DNAJB5: variants seen among roughly 807,000 people sequenced by gnomAD.
DNAJB5 encodes the protein DnaJ heat shock protein family (Hsp40) member B5.
In DNAJB5, 12 loss-of-function variants were observed where a neutral mutation model predicts 32.6. That is an observed-to-expected ratio of 0.37 (90% confidence interval 0.24 to 0.60). DNAJB5 has a LOEUF of 0.60. Ranked by LOEUF, DNAJB5 falls within the 20% of genes least tolerant of loss-of-function variation. The pLI is 0.71. For missense variants in DNAJB5, 358 were observed against 554.2 expected (o/e 0.65, Z 3.55); for synonymous variants, 188 against 212.9 (o/e 0.88, Z 1.02).
In DNAJB5 at chr9:34,997,242, C is replaced by T; in HGVS notation, c.1246C>T (p.His416Tyr). ...TPQTRQILKQ[H>Y]LPCS ...ACAGACAAGACAGATCCTTAAGCAG[C>T]ACCTACCCTGTTCCTAGGCTCTGCC... Residue 416 changes from histidine to tyrosine, a missense_variant, in exon 5 of 5, where the codon CAC becomes TAC. By Grantham distance (83) the His-to-Tyr change is moderately conservative (BLOSUM62 2). Transcript: ENST00000682809. The surrounding 1 kb of genome is among the most constrained non-coding windows in gnomAD (Gnocchi z 4.1). 2.5e-6 allele frequency: 4 copies of T among 1,614,222 alleles called. No homozygotes were observed. The highest frequency in any genetic ancestry group is 2.5e-6 in the Non-Finnish European group (3 of 1,180,034).
At position 34,993,105 on chromosome 9, in the gene DNAJB5, GT is replaced by G. The variant is rs2132978111; in HGVS notation, c.183-93del. On this transcript the variant is annotated intron_variant, in intron 2 of 4. Coordinates refer to ENST00000682809, the MANE Select transcript of DNAJB5 (RefSeq NM_001349723.3). The surrounding 1 kb of genome is among the most constrained non-coding windows in gnomAD (Gnocchi z 4.7). ...ACAGAACAGGCATGACCTGCTGAAG[GT>G]TACCCAGGGAGTCATTTAGGGATTG... 6.8e-7 allele frequency: 1 copy of G among 1,477,722 alleles called. No homozygotes were observed. Among genetic ancestry groups the G allele is most frequent in the African/African-American group, 1.4e-5 (1 of 70,804 alleles). 91.5% of individuals were successfully genotyped at this position (1,477,722 alleles called of 1,614,324 possible). A position where few individuals can be genotyped will look rare whatever the true frequency, so the allele number is the denominator to read the frequency against.
intron 2 of DNAJB5, chr9:34,992,753 G>C: frequency 1.0e-6 from 1 of 999,602 alleles, no homozygotes; most frequent in East Asian, 1.0e-4. Flanking sequence ...TGCCCCAGCT[G>C]CCCTCAGCCT....
rs2132979080 is a variant in DNAJB5 at position 34,993,596 on chromosome 9, A to C, written c.427+152A>C. 1 of 1,035,384 alleles carries C rather than the reference A, an allele frequency of 9.7e-7. No homozygotes were observed. The highest frequency in any genetic ancestry group is 1.7e-5 in the South Asian group (1 of 57,604). The allele number at this position is 1,035,384 out of a possible 1,614,324, so 64.1% of individuals were successfully genotyped here. On this transcript the variant is annotated intron_variant, in intron 3 of 4. Coordinates refer to ENST00000682809, the MANE Select transcript of DNAJB5 (RefSeq NM_001349723.3). The surrounding 1 kb of genome is among the most constrained non-coding windows in gnomAD (Gnocchi z 4.7). The stretch of plus-strand genomic sequence containing the variant: ...TGTCACCCAGAGAAGAGAGAAGCCC[A>C]CCCACTACCCAGCTCAGCTCACCCT...
chr9:34,992,645 C>T (rs1057227324), intron 2 of DNAJB5: 3 of 308,736 alleles, frequency 9.7e-6, no homozygotes, highest in Non-Finnish European at 9.5e-6. Flanking sequence ...CTGGGGTCTC[C>T]GATGGCAGAC....
In DNAJB5 at chr9:34,996,544, G is replaced by A. The variant is rs778554577; in HGVS notation, c.707G>A (p.Arg236His). The A allele has an allele frequency of 1.8e-5, 29 of 1,614,006 alleles. No homozygotes were observed. Among genetic ancestry groups the A allele is most frequent in the East Asian group, 2.2e-5 (1 of 44,872 alleles). Residue 236 changes from arginine to histidine, a missense_variant, in exon 4 of 5, where the codon CGC becomes CAC. Arg to His is a conservative substitution (Grantham distance 29, BLOSUM62 0). This residue lies in a region of DNAJB5 where 248 missense variants were observed against 442.6 expected (regional missense o/e 0.56). Coordinates refer to ENST00000682809, the MANE Select transcript of DNAJB5 (RefSeq NM_001349723.3). The surrounding 1 kb of genome is among the most constrained non-coding windows in gnomAD (Gnocchi z 7.2). ...GCCCCAGAACCACTGTACCCTCGGCGCAAGGTGCAGGACCCCCCAGTGGTG... is the reference window on the plus strand; with the variant it reads ...GCCCCAGAACCACTGTACCCTCGGCACAAGGTGCAGGACCCCCCAGTGGTG... Reference protein sequence around the residue: ...RRAPEPLYPRRKVQDPPVVHE... With the variant: ...RRAPEPLYPRHKVQDPPVVHE...
At chr9:34,998,887 T>C (rs1204525949), downstream of DNAJB5, 2 of 150,976 alleles carry the variant, frequency 1.3e-5, no homozygotes, top group African/African-American at 4.9e-5. Flanking sequence ...CGATCTTGGT[T>C]CACTGCAGCC....
chr9:34,990,584 C>A lies in DNAJB5; in HGVS notation c.-47C>A. The A allele has an allele frequency of 6.4e-7, 1 of 1,551,302 alleles. No homozygotes were observed. The highest frequency in any genetic ancestry group is 2.4e-5 in the East Asian group (1 of 40,916). ...GGTGGCTTCCAGAGCTGCAGCACTT[C>A]AGGCCGGCTCCGGTGGAGCGATCAG... On this transcript the variant is annotated 5_prime_UTR_variant, in exon 2 of 5. Transcript: ENST00000682809. This position sits in a 1 kb window ranked among gnomAD's most constrained non-coding sequence, Gnocchi z 4.5.
In DNAJB5 at chr9:34,997,543, G is replaced by C. The variant is rs760077992; in HGVS notation, c.*284G>C. ...CACTGCAGTGGCTGGAGAGTGACCT[G>C]AGTGCTACTTGAAGATATGTAGAGA... On this transcript the variant is annotated 3_prime_UTR_variant, in exon 5 of 5. Transcript: ENST00000682809. The surrounding 1 kb of genome is among the most constrained non-coding windows in gnomAD (Gnocchi z 4.1). 22 of 556,676 alleles carry C rather than the reference G, an allele frequency of 4.0e-5. No individual in the cohort carries two copies. The East Asian group carries it at 7.3e-4, about 18-fold the overall frequency. 34.5% of individuals were successfully genotyped at this position (556,676 alleles called of 1,614,324 possible).
intron 2 of DNAJB5, chr9:34,991,218 C>T (rs1827619812): frequency 4.6e-6 from 2 of 438,978 alleles, no homozygotes; most frequent in African/African-American, 2.0e-5. Context: ...CCTGCCTCTA[C>T]CTTAACATCC....
rs1461544174 is a variant in DNAJB5, at chr9:34,990,599, G to A, written c.-32G>A. 2 of 1,551,504 alleles carry A rather than the reference G, an allele frequency of 1.3e-6. No homozygotes were observed. Among genetic ancestry groups the A allele is most frequent in the Non-Finnish European group, 1.7e-6 (2 of 1,146,954 alleles). On this transcript the variant is annotated 5_prime_UTR_variant, in exon 2 of 5. Coordinates refer to ENST00000682809, the MANE Select transcript of DNAJB5 (RefSeq NM_001349723.3). The surrounding 1 kb of genome is among the most constrained non-coding windows in gnomAD (Gnocchi z 4.5). ...TGCAGCACTTCAGGCCGGCTCCGGT[G>A]GAGCGATCAGAGGTGAGGGGCTTGG...
In DNAJB5 at chr9:34,993,231, G is replaced by A. The variant is rs746796425; in HGVS notation, c.214G>A (p.Val72Met). The A allele has an allele frequency of 2.5e-6, 4 of 1,613,970 alleles. No homozygotes were observed. The Admixed American group carries it at 6.7e-5, about 27-fold the overall frequency. Reference protein sequence around the residue: ...NKETSAGPVAVMGKDYYKILG... With the variant: ...NKETSAGPVAMMGKDYYKILG... ...GGAGACCAGTGCTGGTCCAGTGGCT[G>A]TGATGGGAAAAGATTATTACAAGAT... The change falls in exon 3 of 5, where the codon GTG becomes ATG. Residue 72 changes from valine (V) to methionine (M), a missense_variant. Physicochemically the swap from Val to Met is conservative, Grantham distance 21. Transcript: ENST00000682809. The surrounding 1 kb of genome is among the most constrained non-coding windows in gnomAD (Gnocchi z 4.7).
Position 34,997,068 on chromosome 9 carries a change from C to A in DNAJB5, c.1072C>A (p.Arg358=). 6.2e-7 allele frequency: 1 copy of A among 1,614,064 alleles called. No homozygotes were observed. Among genetic ancestry groups the A allele is most frequent in the Non-Finnish European group, 8.5e-7 (1 of 1,180,042 alleles). ...CTVNIPTIDG[R]VIPLPCNDVI... ...TGTGAACATTCCCACTATCGACGGC[C>A]GAGTGATCCCTTTGCCCTGCAATGA... is the stretch of plus-strand genomic sequence containing the variant. The change falls in exon 5 of 5, where the codon CGA becomes AGA. Residue 358 remains arginine (R), a synonymous_variant. Coordinates refer to ENST00000682809, the MANE Select transcript of DNAJB5 (RefSeq NM_001349723.3). The surrounding 1 kb of genome is among the most constrained non-coding windows in gnomAD (Gnocchi z 4.1).
rs1303453158 is a variant in DNAJB5 at position 34,997,119 on chromosome 9, A to C, written c.1123A>C (p.Arg375=). The change falls in exon 5 of 5, where the codon AGA becomes CGA. Residue 375 remains arginine, a synonymous_variant. Transcript: ENST00000682809. This position sits in a 1 kb window ranked among gnomAD's most constrained non-coding sequence, Gnocchi z 4.1. The part of the protein sequence containing the change: ...NDVIKPGTVK[R]LRGEGLPFPK... ...TGTCATCAAGCCAGGCACCGTGAAG[A>C]GACTCCGTGGGGAGGGCCTTCCCTT... 6.2e-7 allele frequency: 1 copy of C among 1,614,148 alleles called. No homozygotes were observed. The highest frequency in any genetic ancestry group is 8.5e-7 in the Non-Finnish European group (1 of 1,180,026).
chr9:34,991,806 A>G, intron 2 of DNAJB5: 1 of 207,732 alleles, frequency 4.8e-6, no homozygotes, highest in Non-Finnish European at 1.0e-5. Context: ...TCTTCGTCAG[A>G]GAAAGGTGAC....
At position 34,997,425 on chromosome 9, in the gene DNAJB5, A is replaced by G; in HGVS notation, c.*166A>G. The G allele has an allele frequency of 1.2e-6, 1 of 806,454 alleles. No individual in the cohort carries two copies. Among genetic ancestry groups the G allele is most frequent in the Middle Eastern group, 2.2e-4 (1 of 4,546 alleles). 50.0% of individuals were successfully genotyped at this position (806,454 alleles called of 1,614,324 possible). ...TGTTCCTGTCCCTGACCCCTTTTAGAGCTGGGCTGCCTGGGGGGAGTGGGA... is the reference window on the plus strand; with the variant it reads ...TGTTCCTGTCCCTGACCCCTTTTAGGGCTGGGCTGCCTGGGGGGAGTGGGA... On this transcript the variant is annotated 3_prime_UTR_variant, in exon 5 of 5. Transcript: ENST00000682809. This position sits in a 1 kb window ranked among gnomAD's most constrained non-coding sequence, Gnocchi z 4.1.
intron 2 of DNAJB5, chr9:34,991,638 C>G: frequency 6.6e-6 from 1 of 151,810 alleles, no homozygotes; most frequent in African/African-American, 4.0e-5. Context: ...CCCTCTCAGA[C>G]GGCTTTTGCT....
In DNAJB5 at chr9:34,993,323, G is replaced by A; in HGVS notation, c.306G>A (p.Lys102=). The A allele has an allele frequency of 6.2e-7, 1 of 1,614,170 alleles. No individual in the cohort carries two copies. The highest frequency in any genetic ancestry group is 8.5e-7 in the Non-Finnish European group (1 of 1,180,030). ...AAGCCTACCGGAAGATGGCCTTGAA[G>A]TACCACCCAGACAAGAATAAAGAAC... ...IKKAYRKMAL[K]YHPDKNKEPN... The change falls in exon 3 of 5, where the codon AAG becomes AAA. Residue 102 remains lysine, a synonymous_variant. Transcript: ENST00000682809. The surrounding 1 kb of genome is among the most constrained non-coding windows in gnomAD (Gnocchi z 4.7).
In DNAJB5 at chr9:34,992,571, G is replaced by A. The variant is rs79950507; in HGVS notation, c.183-629G>A. The stretch of plus-strand genomic sequence containing the variant: ...AAACAGCAGTTTCCAAAGGCTGTGA[G>A]TCACCCTGTGATCTGAGTCACACGT... On this transcript the variant is annotated intron_variant, in intron 2 of 4. Coordinates refer to ENST00000682809, the MANE Select transcript of DNAJB5 (RefSeq NM_001349723.3). 9.0e-3 allele frequency: 1,394 copies of A among 154,626 alleles called. 20 individuals are homozygous for A. The highest frequency in any genetic ancestry group is 0.032 in the African/African-American group (1,330 of 41,324). The allele number at this position is 154,626 out of a possible 1,614,324, so 9.6% of individuals were successfully genotyped here. A position where few individuals can be genotyped will look rare whatever the true frequency, so the allele number is the denominator to read the frequency against.
chr9:34,990,903 C>T lies in DNAJB5; in HGVS notation c.182+91C>T, dbSNP rs140564464. 4.2e-5 allele frequency: 55 copies of T among 1,315,778 alleles called. No homozygotes were observed. The African/African-American group carries it at 6.6e-4, about 16-fold the overall frequency. The allele number at this position is 1,315,778 out of a possible 1,614,324, so 81.5% of individuals were successfully genotyped here. ...TCCATTGCCTTCCTGCTTCCTCCAA[C>T]TCATCCTCATCCCCTCTGTGACATA... On this transcript the variant is annotated intron_variant, in intron 2 of 4. Transcript: ENST00000682809. This position sits in a 1 kb window ranked among gnomAD's most constrained non-coding sequence, Gnocchi z 4.5.
Sources: allele counts gnomAD v4.1 joint callset, GRCh38; gene constraint gnomAD v4.1.1; regional missense constraint gnomAD v4.1.1; non-coding constraint Gnocchi (gnomAD v3.1); transcripts MANE v1.5; gene names NCBI Gene and HGNC (gene_info 2026-07-23, HGNC 2026-07-21).